CDKAL1: variants seen among roughly 807,000 people sequenced by gnomAD.
The protein encoded by CDKAL1 is threonylcarbamoyladenosine tRNA methylthiotransferase.
CDKAL1 carries 32 observed loss-of-function variants against 68.2 expected under a neutral mutation model. The observed-to-expected ratio is 0.47, with a 90% confidence interval of 0.35 to 0.63. The LOEUF is 0.63. CDKAL1 is among the 30% of genes least tolerant of loss of function. CDKAL1 has a pLI of 0.00. For missense variants in CDKAL1, 606 were observed against 696.7 expected (o/e 0.87, Z 1.47); for synonymous variants, 234 against 244.3 (o/e 0.96, Z 0.39).
chr6:20,713,936 T>A (rs1562046386), intron 5 of CDKAL1, among the ~76,000 whole-genome samples: 2 of 152,168 alleles, frequency 1.3e-5, no homozygotes, highest in Non-Finnish European at 2.9e-5. Flanking sequence ...ATGCTAACTT[T>A]GATCATATTT....
intron 13 of CDKAL1, among the ~76,000 whole-genome samples, chr6:21,178,636 C>T (rs1361932473): frequency 2.6e-5 from 4 of 152,266 alleles, no homozygotes; most frequent in Non-Finnish European, 5.9e-5. Flanking sequence ...AAATGATCCC[C>T]CCACAAAAGT....
At chr6:20,579,768 C>G (rs1765067330) in intron 4 of CDKAL1, among the ~76,000 whole-genome samples, 1 of 152,140 alleles carries the variant, frequency 6.6e-6, no homozygotes, top group African/African-American at 2.4e-5. Flanking sequence ...GTCCTTGATC[C>G]TAGGGATGAT....
At chr6:20,568,066 CG>C (rs1478172234) in intron 4 of CDKAL1, among the ~76,000 whole-genome samples, 1 of 152,036 alleles carries the variant, frequency 6.6e-6, no homozygotes. Context: ...TTAGTAGAGA[CG>C]GGGGTTTCAC....
chr6:20,683,740 G>A (rs892826709), intron 5 of CDKAL1, among the ~76,000 whole-genome samples: 6 of 152,142 alleles, frequency 3.9e-5, no homozygotes, highest in African/African-American at 1.4e-4. Context: ...CCCAGAGAAT[G>A]TAGTTTACAT....
intron 5 of CDKAL1, among the ~76,000 whole-genome samples, chr6:20,661,863 A>G (rs1769298308): frequency 3.9e-5 from 6 of 152,238 alleles, no homozygotes; most frequent in Admixed American, 3.9e-4. Context: ...CAGCTGGCTG[A>G]TAGCATTGAA....
chr6:20,629,669 T>C (rs1300434934), intron 4 of CDKAL1, among the ~76,000 whole-genome samples: 2 of 152,052 alleles, frequency 1.3e-5, no homozygotes, highest in Admixed American at 6.5e-5. Flanking sequence ...TGGATGCCCT[T>C]TTCACCTCCT....
At chr6:21,127,903 C>G (rs2151016975) in intron 13 of CDKAL1, among the ~76,000 whole-genome samples, 1 of 152,292 alleles carries the variant, frequency 6.6e-6, no homozygotes, top group South Asian at 2.1e-4. Context: ...CAAATTATTG[C>G]TTTGCCATTT....
chr6:21,214,310 A>ATT (rs1021780594), intron 15 of CDKAL1, among the ~76,000 whole-genome samples: 12 of 148,900 alleles, frequency 8.1e-5, no homozygotes, highest in African/African-American at 2.8e-4. Context: ...TTCAAATGTT[A>ATT]TTTTATATAT....
intron 4 of CDKAL1, among the ~76,000 whole-genome samples, chr6:20,640,006 C>G (rs1768094707): frequency 6.6e-6 from 1 of 152,188 alleles, no homozygotes. Flanking sequence ...TCAAGTTGTA[C>G]CTTAAGGGTG....
intron 8 of CDKAL1, among the ~76,000 whole-genome samples, chr6:20,793,133 G>A (rs559274614): frequency 2.0e-4 from 30 of 152,088 alleles, no homozygotes; most frequent in Non-Finnish European, 3.4e-4. Flanking sequence ...CAGTCAACCC[G>A]GGATCCTTTG....
At chr6:20,873,013 T>C (rs563576683) in intron 9 of CDKAL1, among the ~76,000 whole-genome samples, 1 of 152,318 alleles carries the variant, frequency 6.6e-6, no homozygotes, top group East Asian at 1.9e-4. Context: ...GTAATTTTAA[T>C]CTTGAGCTCA....
At chr6:21,056,720 C>A (rs773289876) in intron 11 of CDKAL1, among the ~76,000 whole-genome samples, 1 of 152,056 alleles carries the variant, frequency 6.6e-6, no homozygotes, top group Non-Finnish European at 1.5e-5. Context: ...TAATTGAGAG[C>A]TTTTAACATG....
intron 9 of CDKAL1, among the ~76,000 whole-genome samples, chr6:20,870,603 C>A (rs1003929740): frequency 6.6e-6 from 1 of 151,992 alleles, no homozygotes; most frequent in Admixed American, 6.6e-5. Context: ...GCATTTTTTT[C>A]CCCTCATACA....
intron 5 of CDKAL1, among the ~76,000 whole-genome samples, chr6:20,737,408 T>C (rs1204462439): frequency 6.6e-6 from 1 of 152,256 alleles, no homozygotes; most frequent in Non-Finnish European, 1.5e-5. Flanking sequence ...TCTTAAACAC[T>C]GAGTGTAATG....
rs534393116 is a variant in CDKAL1 at position 20,873,611 on chromosome 6, C to T, written c.742+27433C>T. 3.9e-5 allele frequency among the ~76,000 whole-genome samples: 6 copies of T among 152,146 alleles called. No homozygotes were observed. The South Asian group carries it at 1.2e-3, about 32-fold the overall frequency. ...CCATGATCTTGATCACTCTGTTGTTCCCAATAAGTGCTGATAATCAGTATT... is the reference window on the plus strand; with the variant it reads ...CCATGATCTTGATCACTCTGTTGTTTCCAATAAGTGCTGATAATCAGTATT... On this transcript the variant is annotated intron_variant, in intron 9 of 15. Transcript: ENST00000274695.
chr6:20,766,744 G>A (rs902619161), intron 7 of CDKAL1, among the ~76,000 whole-genome samples: 3 of 151,888 alleles, frequency 2.0e-5, no homozygotes, highest in Non-Finnish European at 4.4e-5. Flanking sequence ...TTTATTTCTG[G>A]TACTTAATAT....
chr6:20,809,157 A>G (rs1464386802), intron 8 of CDKAL1, among the ~76,000 whole-genome samples: 1 of 152,148 alleles, frequency 6.6e-6, no homozygotes, highest in Non-Finnish European at 1.5e-5. Context: ...TTCCAAAACA[A>G]CTTACTGTAA....
chr6:20,896,074 TTTTTC>T (rs1201708900), intron 9 of CDKAL1, among the ~76,000 whole-genome samples: 1 of 147,448 alleles, frequency 6.8e-6, no homozygotes, highest in Non-Finnish European at 1.5e-5. Flanking sequence ...ATGGCTTCTT[TTTTTC>T]TTTTTTTTCT....
chr6:21,178,309 A>C (rs1223956584), intron 13 of CDKAL1, among the ~76,000 whole-genome samples: 1 of 152,236 alleles, frequency 6.6e-6, no homozygotes, highest in Non-Finnish European at 1.5e-5. Flanking sequence ...ATCTTTTATA[A>C]CATAAAATTC....
Sources: allele counts gnomAD v4.1 joint callset (sites outside exome capture counted in the v4.1 genomes callset), GRCh38; gene constraint gnomAD v4.1.1; transcripts MANE v1.5; gene names NCBI Gene and HGNC (gene_info 2026-07-23, HGNC 2026-07-21).